Variants in HEATR6 observed in about 807,000 individuals in gnomAD.
The protein encoded by HEATR6 is HEAT repeat containing 6.
A neutral mutation model predicts 132.8 loss-of-function variants in HEATR6; 106 were observed. The observed-to-expected ratio is 0.80, with a 90% CI of 0.68 to 0.94. The LOEUF (loss-of-function observed/expected upper bound fraction) is 0.94, where lower values mean the gene tolerates loss of function less well. HEATR6 is among the 40% of genes least tolerant of loss of function. The probability of loss-of-function intolerance (pLI) is 0.00; values close to 1 mark genes in which losing one functional copy is unlikely to be tolerated. For missense variants in HEATR6, 1,339 were observed against 1,425.1 expected, an observed-to-expected ratio of 0.94 and a Z score of 0.97; for synonymous variants, 529 against 537.8, an observed-to-expected ratio of 0.98 and a Z score of 0.23.
Position 60,060,039 on chromosome 17 carries a change from G to A in HEATR6, c.1474C>T (p.Leu492Phe). Residue 492 changes from leucine (L) to phenylalanine (F), a missense_variant, in exon 10 of 20, where the codon CTT becomes TTT. Leu to Phe is a conservative substitution (Grantham distance 22). Coordinates refer to ENST00000184956, the MANE Select transcript of HEATR6 (RefSeq NM_022070.5). ...TCACTGGTATCTTCAGCAACAGAAA[G>A]AAACTGCTTTGAGCCTTCCAAGATG... ...SAILEGSKQF[L>F]SVAEDTSDHR... 1 of 1,614,028 alleles carries A rather than the reference G, an allele frequency of 6.2e-7. No homozygotes were observed. Among genetic ancestry groups the A allele is most frequent in the Non-Finnish European group, 8.5e-7 (1 of 1,179,930 alleles).
At position 60,056,166 on chromosome 17, in the gene HEATR6, A is replaced by C; in HGVS notation, c.2151T>G (p.Ile717Met). The C allele has an allele frequency of 6.2e-7, 1 of 1,614,158 alleles. No individual in the cohort carries two copies. Among genetic ancestry groups the C allele is most frequent in the Middle Eastern group, 1.6e-4 (1 of 6,062 alleles). Residue 717 changes from isoleucine to methionine, a missense_variant, in exon 13 of 20, where the codon ATT (isoleucine) becomes ATG (methionine). Ile to Met is a conservative substitution (Grantham distance 10). Transcript: ENST00000184956. ...GATCTGCTTCCCCCATGCACTTGCA[A>C]ATCACCTCTCCAAGCTCCATCAAGT... ...QAYLMELGEV[I>M]CKCMGEADPS...
chr17:60,049,055 C>T (rs1403945228), intron 16 of HEATR6, among the ~76,000 whole-genome samples: 4 of 105,244 alleles, frequency 3.8e-5, no homozygotes, highest in African/African-American at 1.4e-4. Flanking sequence ...TATGGTAATG[C>T]CTGTAGTTAT....
intron 5 of HEATR6, among the ~76,000 whole-genome samples, chr17:60,071,589 A>T (rs1303443683): frequency 6.6e-6 from 1 of 152,260 alleles, no homozygotes; most frequent in Non-Finnish European, 1.5e-5. Context: ...CATAGCAGTT[A>T]GAAACTATGA....
Position 60,042,469 on chromosome 17 carries a change from G to A in HEATR6, c.*1094C>T, listed in dbSNP as rs1159639213. On this transcript the variant is annotated 3_prime_UTR_variant, in exon 20 of 20. Transcript: ENST00000184956. ...TGTGAGGCACTGTCAGCATCCTCGCGTCCTGTGCGGCTGTGAGGCACTGTC... is the reference window on the plus strand; with the variant it reads ...TGTGAGGCACTGTCAGCATCCTCGCATCCTGTGCGGCTGTGAGGCACTGTC... Among the ~76,000 whole-genome samples, 5 of 36,026 alleles carry A rather than the reference G, an allele frequency of 1.4e-4. No homozygotes were observed. In the East Asian group the frequency reaches 2.3e-3, roughly 17 times the overall value. 23.6% of individuals were successfully genotyped at this position (36,026 alleles called of 152,430 possible).
At chr17:60,072,791 C>T (rs1334118190) in intron 4 of HEATR6, among the ~76,000 whole-genome samples, 1 of 152,156 alleles carries the variant, frequency 6.6e-6, no homozygotes. Flanking sequence ...CTGTTTCCAT[C>T]TTCTTCAAAG....
chr17:60,072,596 T>G (rs1381265496), intron 4 of HEATR6, among the ~76,000 whole-genome samples: 1 of 152,176 alleles, frequency 6.6e-6, no homozygotes, highest in Admixed American at 6.5e-5. Context: ...AGAAAAATCT[T>G]GTTTTAGTTC....
intron 19 of HEATR6, among the ~76,000 whole-genome samples, chr17:60,044,574 C>T (rs1315908385): frequency 1.3e-5 from 2 of 152,222 alleles, no homozygotes; most frequent in African/African-American, 2.4e-5. Flanking sequence ...CCAGACACTG[C>T]TCTGGCCATA....
chr17:60,066,162 TA>T (rs757990156), intron 9 of HEATR6, 46 bp downstream of exon 9: 2 of 1,475,442 alleles, frequency 1.4e-6, no homozygotes, highest in African/African-American at 2.8e-5. Context: ...TAAGGATCTG[TA>T]AATTTTTTCT....
At chr17:60,068,581 G>T (rs1403485704) in intron 7 of HEATR6, among the ~76,000 whole-genome samples, 1 of 149,166 alleles carries the variant, frequency 6.7e-6, no homozygotes, top group Non-Finnish European at 1.5e-5. Context: ...TCCTGTACAA[G>T]AATCTTATCA....
In HEATR6 at chr17:60,067,505, G is replaced by A. The variant is rs1403992080; in HGVS notation, c.1167C>T (p.Ser389=). 2 of 1,608,218 alleles carry A rather than the reference G, an allele frequency of 1.2e-6. No individual in the cohort carries two copies. The highest frequency in any genetic ancestry group is 2.7e-5 in the African/African-American group (2 of 74,506). Residue 389 remains serine, a synonymous_variant, in exon 8 of 20, where the codon TCC becomes TCT. Coordinates refer to ENST00000184956, the MANE Select transcript of HEATR6 (RefSeq NM_022070.5). ...KDGVSSSFSS[S]SWKRVSSSES... Reference sequence around the variant, plus strand: ...CACTACTGCTGACCCTTTTCCAACTGGAAGAACTGAAGGATGAGGAGACTC... The same window carrying A: ...CACTACTGCTGACCCTTTTCCAACTAGAAGAACTGAAGGATGAGGAGACTC...
In HEATR6 at chr17:60,052,765, T is replaced by C. The variant is rs79168666; in HGVS notation, c.2290-1788A>G. On this transcript the variant is annotated intron_variant, in intron 14 of 19. Coordinates refer to ENST00000184956, the MANE Select transcript of HEATR6 (RefSeq NM_022070.5). Reference sequence around the variant, plus strand: ...TTTTGGTGTGGTCACATGCCCTTCATCCATCTTTGGAACTGGCACAGTGTA... The same window carrying C: ...TTTTGGTGTGGTCACATGCCCTTCACCCATCTTTGGAACTGGCACAGTGTA... Among the ~76,000 whole-genome samples the C allele has an allele frequency of 8.1e-4, 123 of 152,258 alleles. No homozygotes were observed. The East Asian group carries it at 0.019, about 24-fold the overall frequency.
intron 2 of HEATR6, among the ~76,000 whole-genome samples, chr17:60,074,762 C>T (rs2083288499): frequency 6.6e-6 from 1 of 152,332 alleles, no homozygotes; most frequent in East Asian, 1.9e-4. Flanking sequence ...ACATTTTTGA[C>T]TGTCACAATT....
At chr17:60,060,264 C>T (rs2083202939) in intron 9 of HEATR6, among the ~76,000 whole-genome samples, 168 bp from the exon 10 acceptor site, 1 of 148,318 alleles carries the variant, frequency 6.7e-6, no homozygotes, top group African/African-American at 2.6e-5. Context: ...GCGTCCCACA[C>T]CTAAAAAAAA....
intron 1 of HEATR6, 45 bp downstream of exon 1, chr17:60,078,651 G>A: frequency 6.8e-7 from 1 of 1,470,702 alleles, no homozygotes; most frequent in Non-Finnish European, 9.1e-7. Flanking sequence ...CTGGGTTCCC[G>A]GAGGGGTGGG....
Position 60,043,578 on chromosome 17 carries a change from C to T in HEATR6, c.3531G>A (p.Gly1177=). ...GGTGGGATCTTCACTGATTTGTTAA[C>T]CCTGGGAGTGCCCCTTGTGATCCAG... is the stretch of plus-strand genomic sequence containing the variant. The part of the protein sequence containing the change: ...DSSGSQGALP[G]LTNQ Residue 1177 remains glycine, a synonymous_variant, in exon 20 of 20, where the codon GGG becomes GGA. Transcript: ENST00000184956. The T allele has an allele frequency of 1.9e-6, 3 of 1,612,198 alleles. No homozygotes were observed. The highest frequency in any genetic ancestry group is 2.5e-6 in the Non-Finnish European group (3 of 1,178,544).
chr17:60,056,116 T>A lies in HEATR6; in HGVS notation c.2201A>T (p.Lys734Met), dbSNP rs1906736076. 5.0e-6 allele frequency: 8 copies of A among 1,613,486 alleles called. No homozygotes were observed. In the Admixed American group the frequency reaches 1.3e-4, roughly 27 times the overall value. ...ADPSIQLHGA[K>M]LLEELGTGLI... Reference sequence around the variant, plus strand: ...CATTGTGGTTTTGATGAAAATTACCTTTGCTCCATGAAGCTGAATGGATGG... The same window carrying A: ...CATTGTGGTTTTGATGAAAATTACCATTGCTCCATGAAGCTGAATGGATGG... Residue 734 changes from lysine to methionine, a missense_variant and splice_region_variant, in exon 13 of 20, where the codon AAG becomes ATG. Lys to Met is a moderately conservative substitution (Grantham distance 95, BLOSUM62 -1). Transcript: ENST00000184956.
chr17:60,060,411 C>T (rs1167642975), intron 9 of HEATR6, among the ~76,000 whole-genome samples: 1 of 152,082 alleles, frequency 6.6e-6, no homozygotes, highest in Non-Finnish European at 1.5e-5. Context: ...TCCCAAGTAG[C>T]TAGGACTACA....
chr17:60,057,439 C>G, intron 11 of HEATR6, 36 bp from the exon 12 acceptor site: 1 of 1,334,296 alleles, frequency 7.5e-7, no homozygotes, highest in Non-Finnish European at 1.0e-6. Flanking sequence ...ATCATCATGG[C>G]AACAACTACT....
chr17:60,073,053 T>G, intron 4 of HEATR6, 111 bp downstream of exon 4: 1 of 617,714 alleles, frequency 1.6e-6, no homozygotes. Flanking sequence ...AAATGCAAAG[T>G]TAGTTATTTG....
Sources: allele counts gnomAD v4.1 joint callset (sites outside exome capture counted in the v4.1 genomes callset), GRCh38; gene constraint gnomAD v4.1.1; transcripts MANE v1.5; gene names NCBI Gene and HGNC (gene_info 2026-07-23, HGNC 2026-07-21).